The following AGMO variants were observed in gnomAD, a reference collection of about 807,000 sequenced individuals.
AGMO encodes glyceryl-ether monooxygenase.
Under a neutral mutation model 60.2 loss-of-function variants are expected in AGMO, and 75 were observed. That is an observed-to-expected ratio of 1.25 (90% CI 1.03 to 1.51). AGMO has a LOEUF of 1.51. Ranked by LOEUF, AGMO falls within the 40% of genes most tolerant of loss-of-function variation. The pLI is 0.00. For missense variants in AGMO, 763 were observed against 525.5 expected (o/e 1.45, Z -4.42); for synonymous variants, 261 against 177.1 (o/e 1.47, Z -3.76).
rs189741394 is a variant in AGMO at position 15,402,828 on chromosome 7, T to G, written c.610-8649A>C. Among the ~76,000 whole-genome samples, 454 of 151,808 alleles carry G rather than the reference T, an allele frequency of 3.0e-3. 12 individuals are homozygous for G. Among genetic ancestry groups the G allele is most frequent in the Admixed American group, 0.029 (438 of 15,200 alleles). On this transcript the variant is annotated intron_variant, in intron 5 of 12. Transcript: ENST00000342526. Reference sequence around the variant, plus strand: ...TATCAAAATCTCTTACTCAAAGCTATTTGCATAACAAGAGAGCAAGATGTC... The same window carrying G: ...TATCAAAATCTCTTACTCAAAGCTAGTTGCATAACAAGAGAGCAAGATGTC...
At chr7:15,466,585 T>C (rs1043501012) in intron 3 of AGMO, among the ~76,000 whole-genome samples, 1 of 152,146 alleles carries the variant, frequency 6.6e-6, no homozygotes, top group Non-Finnish European at 1.5e-5. Flanking sequence ...AATTTAAGAA[T>C]GGAGGCTTTA....
the AGMO span, among the ~76,000 whole-genome samples, chr7:15,123,169 A>C: frequency 6.6e-6 from 1 of 151,986 alleles, no homozygotes; most frequent in African/African-American, 2.4e-5. Context: ...ACCTCCAGCA[A>C]GTCTTAGCTA....
In AGMO at chr7:15,366,269, A is replaced by G. The variant is rs778532906; in HGVS notation, c.1075-47T>C. ...CAATGGAGCCGTTAGAAGAATTGTT[A>G]AAAGGTACACGAACGGTTAAAGCTT... On this transcript the variant is annotated intron_variant, in intron 10 of 12. Coordinates refer to ENST00000342526, the MANE Select transcript of AGMO (RefSeq NM_001004320.2). 4 of 1,445,254 alleles carry G rather than the reference A, an allele frequency of 2.8e-6. No individual in the cohort carries two copies. In the African/African-American group the frequency reaches 4.3e-5, roughly 15 times the overall value. 89.5% of individuals were successfully genotyped at this position (1,445,254 alleles called of 1,614,324 possible).
At chr7:15,251,469 G>A (rs75491681) in intron 12 of AGMO, among the ~76,000 whole-genome samples, 1,869 of 152,274 alleles carry the variant, frequency 0.012, 8 homozygotes, top group Middle Eastern at 0.037. Context: ...TACATTCCTA[G>A]ACTTGAGAAC....
intron 3 of AGMO, among the ~76,000 whole-genome samples, chr7:15,534,973 A>G (rs926368703): frequency 9.9e-5 from 15 of 151,986 alleles, no homozygotes; most frequent in African/African-American, 3.4e-4. Context: ...TTACTTATGT[A>G]TCAGACTGCA....
At chr7:15,487,176 C>T (rs10251581) in intron 3 of AGMO, among the ~76,000 whole-genome samples, 2 of 151,982 alleles carry the variant, frequency 1.3e-5, no homozygotes, top group African/African-American at 4.8e-5. Flanking sequence ...ATTTTACACT[C>T]CAACTTGGTG....
chr7:15,460,943 A>G (rs1344274799), intron 3 of AGMO, among the ~76,000 whole-genome samples: 1 of 152,206 alleles, frequency 6.6e-6, no homozygotes, highest in African/African-American at 2.4e-5. Context: ...GTCATAATCA[A>G]GAATTATGTA....
At chr7:15,425,194 C>A (rs191360816) in intron 4 of AGMO, among the ~76,000 whole-genome samples, 6 of 152,146 alleles carry the variant, frequency 3.9e-5, no homozygotes, top group Middle Eastern at 3.4e-3. Context: ...ATTAATTGAT[C>A]GGTTCAAATT....
chr7:15,473,740 G>T (rs1782516964), intron 3 of AGMO, among the ~76,000 whole-genome samples: 1 of 151,988 alleles, frequency 6.6e-6, no homozygotes, highest in Admixed American at 6.6e-5. Context: ...AGAAATAAAT[G>T]GTATTCAAAT....
chr7:15,536,614 G>T (rs763457187), intron 3 of AGMO, among the ~76,000 whole-genome samples: 22 of 151,788 alleles, frequency 1.4e-4, no homozygotes, highest in Non-Finnish European at 2.7e-4. Context: ...CTGTTATTAA[G>T]CAAGTATCTC....
At chr7:15,473,185 A>G (rs1782493694) in intron 3 of AGMO, among the ~76,000 whole-genome samples, 1 of 152,038 alleles carries the variant, frequency 6.6e-6, no homozygotes, top group African/African-American at 2.4e-5. Flanking sequence ...ACACCCTCCC[A>G]AGACTTAACC....
chr7:15,387,359 AAT>A, intron 9 of AGMO, 45 bp downstream of exon 9: 1 of 1,594,962 alleles, frequency 6.3e-7, no homozygotes, highest in South Asian at 1.1e-5. Flanking sequence ...TAGACCTGAC[AAT>A]ATGAGACAAT....
intron 3 of AGMO, among the ~76,000 whole-genome samples, chr7:15,537,573 C>G (rs1784513425): frequency 6.6e-6 from 1 of 152,048 alleles, no homozygotes; most frequent in Non-Finnish European, 1.5e-5. Context: ...CTCGGTTCTC[C>G]TAATTATTCC....
chr7:15,414,198 A>C (rs1344487886), intron 5 of AGMO, among the ~76,000 whole-genome samples: 1 of 151,802 alleles, frequency 6.6e-6, no homozygotes, highest in Non-Finnish European at 1.5e-5. Flanking sequence ...ATGGGGTTTC[A>C]TCATGTTAGC....
At chr7:15,242,258 C>T (rs1782612645) in intron 12 of AGMO, among the ~76,000 whole-genome samples, 2 of 152,208 alleles carry the variant, frequency 1.3e-5, no homozygotes, top group East Asian at 3.9e-4. Context: ...ATTCTGCTTA[C>T]TACACATGAT....
At chr7:15,200,008 T>C (rs1781232413), downstream of AGMO, among the ~76,000 whole-genome samples, 1 of 152,190 alleles carries the variant, frequency 6.6e-6, no homozygotes, top group African/African-American at 2.4e-5. Flanking sequence ...TTAAATAATG[T>C]ATTGCTAATA....
At chr7:15,282,272 T>C (rs1366724446) in intron 12 of AGMO, among the ~76,000 whole-genome samples, 1 of 151,980 alleles carries the variant, frequency 6.6e-6, no homozygotes, top group East Asian at 1.9e-4. Context: ...AGGTTGAATA[T>C]TAAGCTACTC....
chr7:15,203,778 T>C (rs1295471607), intron 12 of AGMO, among the ~76,000 whole-genome samples: 1 of 152,142 alleles, frequency 6.6e-6, no homozygotes. Context: ...AACTACTAAA[T>C]ATCAGAGCTA....
intron 8 of AGMO, among the ~76,000 whole-genome samples, chr7:15,387,794 A>G (rs1783979210): frequency 1.3e-5 from 2 of 152,146 alleles, no homozygotes; most frequent in Non-Finnish European, 2.9e-5. Flanking sequence ...AAACAGGGCA[A>G]TTGTTTAGAC....
Sources: gnomAD v4.1 joint callset for allele counts (sites outside exome capture counted in the v4.1 genomes callset) on GRCh38, gnomAD v4.1.1 for gene constraint, MANE v1.5 for transcripts, NCBI Gene and HGNC (gene_info 2026-07-23, HGNC 2026-07-21) for gene names.